The following CUL3 variants were observed in gnomAD, a reference collection of about 807,000 sequenced individuals.
CUL3 encodes cullin 3, also known as cullin-3.
A neutral mutation model predicts 89.1 loss-of-function variants in CUL3; 19 were observed. The ratio of observed to expected loss-of-function variants is 0.21; its 90% CI spans 0.15 to 0.31. CUL3 has a LOEUF of 0.31. Ranked by LOEUF, CUL3 falls within the 10% of genes least tolerant of loss-of-function variation. CUL3 has a pLI of 1.00. For missense variants in CUL3, 469 were observed against 942.3 expected (o/e 0.50, Z 6.58); for synonymous variants, 351 against 308.4 (o/e 1.14, Z -1.45).
At chr2:224,554,149 T>G (rs946474059) in intron 2 of CUL3, among the ~76,000 whole-genome samples, 1 of 152,154 alleles carries the variant, frequency 6.6e-6, no homozygotes, top group African/African-American at 2.4e-5. Context: ...TTTCTGCACC[T>G]GTGCCCAAGG....
At chr2:224,475,759 C>G (rs951596953) in intron 15 of CUL3, among the ~76,000 whole-genome samples, 3 of 152,178 alleles carry the variant, frequency 2.0e-5, no homozygotes, top group African/African-American at 7.2e-5. Context: ...AAGATCACTT[C>G]TCTTGAAAGC....
intron 1 of CUL3, among the ~76,000 whole-genome samples, chr2:224,574,083 T>G (rs1695245536): frequency 6.6e-6 from 1 of 152,200 alleles, no homozygotes; most frequent in Admixed American, 6.5e-5. Context: ...CAAACACATA[T>G]GTGAAGGAAT....
rs989544747 is a variant in CUL3, at chr2:224,481,833, T to A, written c.2029+59A>T. On this transcript the variant is annotated intron_variant, in intron 14 of 15. Transcript: ENST00000264414. The stretch of plus-strand genomic sequence containing the variant: ...TTAAAAGAAATCCAATAGATGAGAT[T>A]TTTTTTCTAAAGAGAAAAATATATA... 4 of 1,226,716 alleles carry A rather than the reference T, an allele frequency of 3.3e-6. No homozygotes were observed. In the Admixed American group the frequency reaches 8.9e-5, roughly 27 times the overall value. The allele number at this position is 1,226,716 out of a possible 1,614,324, so 76.0% of individuals were successfully genotyped here. A position where few individuals can be genotyped will look rare whatever the true frequency, so the allele number is the denominator to read the frequency against.
rs1219258982 is a variant in CUL3, at chr2:224,485,822, C to A, written c.1843-3744G>T. Among the ~76,000 whole-genome samples, 1 of 152,228 alleles carries A rather than the reference C, an allele frequency of 6.6e-6. No individual in the cohort carries two copies. The highest frequency in any genetic ancestry group is 1.5e-5 in the Non-Finnish European group (1 of 68,036). On this transcript the variant is annotated intron_variant, in intron 13 of 15. Transcript: ENST00000264414. This position sits in a 1 kb window ranked among gnomAD's most constrained non-coding sequence, Gnocchi z 4.1. The stretch of plus-strand genomic sequence containing the variant: ...CCCATGCCTCCCTGACAGGAGACAC[C>A]TCCCAGCAGGGGTCAACAGACACCT...
intron 2 of CUL3, among the ~76,000 whole-genome samples, chr2:224,547,494 T>C (rs943228076): frequency 3.3e-5 from 5 of 152,102 alleles, no homozygotes; most frequent in African/African-American, 1.2e-4. Context: ...ACCTCCTCTT[T>C]CTACCTTGCC....
chr2:224,500,652 A>T (rs1188361827), intron 10 of CUL3, among the ~76,000 whole-genome samples, 165 bp from the exon 11 acceptor site: 6 of 143,158 alleles, frequency 4.2e-5, no homozygotes, highest in African/African-American at 1.6e-4. Flanking sequence ...TTTGAGACAG[A>T]GTTTCGCTCG....
chr2:224,549,009 C>G (rs1275273875), intron 2 of CUL3, among the ~76,000 whole-genome samples: 1 of 150,568 alleles, frequency 6.6e-6, no homozygotes, highest in Non-Finnish European at 1.5e-5. Context: ...CTCCAAAAAA[C>G]AACAACAACA....
intron 2 of CUL3, among the ~76,000 whole-genome samples, chr2:224,548,815 T>C (rs1694400015): frequency 6.6e-6 from 1 of 150,722 alleles, no homozygotes; most frequent in African/African-American, 2.4e-5. Context: ...CTGGGCAACA[T>C]GGTGGAAACC....
chr2:224,557,883 CAAAA>C (rs748754000), intron 1 of CUL3, 27 bp from the exon 2 acceptor site: 104 of 112,372 alleles, frequency 9.3e-4, no homozygotes, highest in Middle Eastern at 4.2e-3. Context: ...AGAGAAGAGA[CAAAA>C]AAAAAAAAAA....
intron 12 of CUL3, among the ~76,000 whole-genome samples, chr2:224,497,350 C>A (rs1486762467): frequency 6.6e-6 from 1 of 152,014 alleles, no homozygotes; most frequent in East Asian, 1.9e-4. Context: ...TCTAACAAAT[C>A]ACAAATGTTA....
intron 2 of CUL3, among the ~76,000 whole-genome samples, chr2:224,543,506 A>C (rs953332435): frequency 6.6e-6 from 1 of 152,232 alleles, no homozygotes; most frequent in African/African-American, 2.4e-5. Context: ...CTAAGGTTGA[A>C]TATCACTTAT....
chr2:224,501,244 A>T (rs1466124939), intron 10 of CUL3, among the ~76,000 whole-genome samples: 1 of 152,214 alleles, frequency 6.6e-6, no homozygotes, highest in Non-Finnish European at 1.5e-5. Flanking sequence ...CAGTTAATTA[A>T]AACTTTTACG....
chr2:224,505,742 T>G, intron 8 of CUL3: 1 of 272,360 alleles, frequency 3.7e-6, no homozygotes, highest in Non-Finnish European at 6.7e-6. Flanking sequence ...ATCCAGTTGC[T>G]TGTTTTTGAA....
chr2:224,576,941 A>T (rs1695315005), intron 1 of CUL3, among the ~76,000 whole-genome samples: 1 of 152,200 alleles, frequency 6.6e-6, no homozygotes, highest in Non-Finnish European at 1.5e-5. Flanking sequence ...GTGGTACTAA[A>T]CCCATATCCT....
At position 224,478,247 on chromosome 2, in the gene CUL3, T is replaced by C. The variant is rs1379034629; in HGVS notation, c.2128A>G (p.Ile710Val). The C allele has an allele frequency of 6.2e-7, 1 of 1,613,552 alleles. No homozygotes were observed. The change falls in exon 15 of 16, where the codon ATA (isoleucine) becomes GTA (valine). Residue 710 changes from isoleucine (I) to valine (V), a missense_variant. By Grantham distance (29) the Ile-to-Val change is conservative (BLOSUM62 3). Transcript: ENST00000264414. Reference protein sequence around the residue: ...KHEIEAAIVRIMKSRKKMQHN... With the variant: ...KHEIEAAIVRVMKSRKKMQHN... Reference sequence around the variant, plus strand: ...TGCATCTTCTTTCTAGATTTCATTATCCGCACTATAGCAGCTTCTATCTCA... The same window carrying C: ...TGCATCTTCTTTCTAGATTTCATTACCCGCACTATAGCAGCTTCTATCTCA...
At chr2:224,552,076 C>G (rs1392076430) in intron 2 of CUL3, among the ~76,000 whole-genome samples, 2 of 152,170 alleles carry the variant, frequency 1.3e-5, no homozygotes, top group African/African-American at 4.8e-5. Context: ...TTCCTTACAC[C>G]TAGCACAGAG....
chr2:224,519,002 G>A (rs1044570631), intron 3 of CUL3, among the ~76,000 whole-genome samples: 15 of 152,178 alleles, frequency 9.9e-5, no homozygotes, highest in Non-Finnish European at 1.5e-5. Flanking sequence ...GTGTATAGAG[G>A]AAAATGATGC....
chr2:224,478,017 A>T (rs558963444), intron 15 of CUL3, among the ~76,000 whole-genome samples, 183 bp downstream of exon 15: 4 of 152,338 alleles, frequency 2.6e-5, no homozygotes, highest in East Asian at 3.8e-4. Flanking sequence ...TGGTTCCGAG[A>T]GTGTGCACAT....
intron 2 of CUL3, among the ~76,000 whole-genome samples, chr2:224,543,444 TA>T (rs1431461429): frequency 2.0e-5 from 3 of 152,230 alleles, no homozygotes; most frequent in Admixed American, 1.3e-4. Flanking sequence ...TGTCATTCTA[TA>T]AATCTATAGT....
Sources: allele counts gnomAD v4.1 joint callset (sites outside exome capture counted in the v4.1 genomes callset), GRCh38; gene constraint gnomAD v4.1.1; non-coding constraint Gnocchi (gnomAD v3.1); transcripts MANE v1.5; gene names NCBI Gene and HGNC (gene_info 2026-07-23, HGNC 2026-07-21).